Variants in PUS7 observed in about 807,000 individuals in gnomAD.
PUS7 encodes the protein pseudouridine synthase 7, also known as pseudouridylate synthase 7 homolog.
In PUS7, 48 loss-of-function variants were observed where a neutral mutation model predicts 79.8. The ratio of observed to expected loss-of-function variants is 0.60; its 90% CI spans 0.48 to 0.76. PUS7 has a LOEUF of 0.76. Among genes scored for constraint, PUS7 ranks in the 30% least tolerant of loss-of-function variants. The pLI is 0.00. For synonymous variants in PUS7, 286 were observed against 272.2 expected (o/e 1.05, Z -0.50); for missense variants, 729 against 797.6 (o/e 0.91, Z 1.04).
intron 7 of PUS7, among the ~76,000 whole-genome samples, chr7:105,485,427 C>A (rs1156664078): frequency 1.3e-5 from 2 of 152,036 alleles, no homozygotes; most frequent in East Asian, 2.0e-4. Context: ...CATGGCTGGT[C>A]TTGAACTCCT....
At chr7:105,466,846 A>C (rs767779460) in intron 12 of PUS7, among the ~76,000 whole-genome samples, 1 of 152,040 alleles carries the variant, frequency 6.6e-6, no homozygotes, top group Non-Finnish European at 1.5e-5. Flanking sequence ...CCAACATGGC[A>C]TGAGGAAAAG....
At chr7:105,481,588 C>G (rs1220063273) in intron 8 of PUS7, among the ~76,000 whole-genome samples, 1 of 152,098 alleles carries the variant, frequency 6.6e-6, no homozygotes, top group Non-Finnish European at 1.5e-5. Context: ...AAATTTTTTC[C>G]CGTTTCCAAA....
chr7:105,522,240 C>A lies in PUS7; in HGVS notation c.-221G>T, dbSNP rs1028637063. The A allele has an allele frequency of 2.0e-5, 3 of 151,702 alleles. No homozygotes were observed. The East Asian group carries it at 5.8e-4, about 29-fold the overall frequency. The allele number at this position is 151,702 out of a possible 1,614,324, so 9.4% of individuals were successfully genotyped here. On this transcript the variant is annotated 5_prime_UTR_variant, in exon 1 of 16. Coordinates refer to ENST00000469408, the MANE Select transcript of PUS7 (RefSeq NM_019042.5). ...ACTCACCGGCGGCCGGGCTCGCACA[C>A]GTGCGGCGCAGCGACGCGCCGCGGC...
intron 9 of PUS7, 142 bp from the exon 10 acceptor site, chr7:105,472,335 A>T (rs1470270901): frequency 1.8e-6 from 1 of 548,650 alleles, no homozygotes; most frequent in African/African-American, 1.9e-5. Context: ...GCTCTAGTCT[A>T]GTGATTCTCC....
chr7:105,521,137 G>A (rs760393613), intron 1 of PUS7, among the ~76,000 whole-genome samples: 9 of 128,988 alleles, frequency 7.0e-5, no homozygotes, highest in Admixed American at 1.6e-4. Context: ...TTTCAATAGT[G>A]TTGTACAGTC....
intron 11 of PUS7, chr7:105,470,208 T>A (rs912834715): frequency 6.6e-6 from 1 of 152,426 alleles, no homozygotes; most frequent in African/African-American, 2.4e-5. Context: ...TAACTTTAAC[T>A]TTGTTGCTCA....
At chr7:105,484,846 C>T (rs2133145723) in intron 7 of PUS7, among the ~76,000 whole-genome samples, 1 of 148,654 alleles carries the variant, frequency 6.7e-6, no homozygotes, top group African/African-American at 2.5e-5. Context: ...AGGATGTCAC[C>T]AGTCAGAGAT....
chr7:105,465,407 G>A lies in PUS7; in HGVS notation c.1533C>T (p.Ala511=), dbSNP rs1563353919. ...PGDLVLKGAT[A]TYIEEDDVNN... ...TAACATCATCTTCCTCAATATAGGT[G>A]GCTGTGGCTGTAAATTCACAAGTGA... Residue 511 remains alanine (A), a synonymous_variant, in exon 13 of 16, where the codon GCC becomes GCT. Transcript: ENST00000469408. 2.5e-6 allele frequency: 4 copies of A among 1,605,594 alleles called. No individual in the cohort carries two copies. The highest frequency in any genetic ancestry group is 8.5e-7 in the Non-Finnish European group (1 of 1,173,586).
intron 1 of PUS7, 95 bp downstream of exon 1, chr7:105,521,957 T>G (rs974840698): frequency 2.0e-5 from 3 of 152,268 alleles, no homozygotes; most frequent in Admixed American, 6.5e-5. Flanking sequence ...GCCTTCCCAG[T>G]CCGCACTGCC....
At chr7:105,514,631 A>G (rs189282725) in intron 1 of PUS7, among the ~76,000 whole-genome samples, 3 of 152,232 alleles carry the variant, frequency 2.0e-5, no homozygotes, top group Admixed American at 2.0e-4. Context: ...AGAAAAGAAA[A>G]GAAAACAGAA....
intron 5 of PUS7, among the ~76,000 whole-genome samples, chr7:105,498,127 A>C (rs1825109127): frequency 6.6e-6 from 1 of 152,238 alleles, no homozygotes; most frequent in Non-Finnish European, 1.5e-5. Flanking sequence ...AAATCCAAGC[A>C]CTGAGCATGC....
intron 14 of PUS7, among the ~76,000 whole-genome samples, chr7:105,461,498 T>A (rs1563350518): frequency 6.6e-6 from 1 of 152,312 alleles, no homozygotes; most frequent in East Asian, 1.9e-4. Flanking sequence ...CGGGCTTACT[T>A]ATGAGACACT....
intron 6 of PUS7, among the ~76,000 whole-genome samples, chr7:105,493,065 T>C (rs1157702850): frequency 6.6e-6 from 1 of 152,222 alleles, no homozygotes; most frequent in Non-Finnish European, 1.5e-5. Context: ...TCATCTACAA[T>C]TCATTACATT....
intron 2 of PUS7, among the ~76,000 whole-genome samples, chr7:105,507,845 GAATTT>G (rs1825534061): frequency 6.6e-6 from 1 of 152,108 alleles, no homozygotes; most frequent in African/African-American, 2.4e-5. Context: ...CCTGGTGAAT[GAATTT>G]ATTTGAGGCA....
intron 13 of PUS7, 65 bp from the exon 14 acceptor site, chr7:105,462,815 T>A (rs1394204282): frequency 6.8e-7 from 1 of 1,464,914 alleles, no homozygotes; most frequent in African/African-American, 1.4e-5. Context: ...TGAACTAGAT[T>A]ATAAAGAGAG....
At chr7:105,492,357 C>G (rs1220455998) in intron 6 of PUS7, among the ~76,000 whole-genome samples, 4 of 151,942 alleles carry the variant, frequency 2.6e-5, no homozygotes, top group Non-Finnish European at 5.9e-5. Context: ...CGGAGTCTCT[C>G]TCTGTCACCC....
At chr7:105,518,335 C>T (rs1285985671) in intron 1 of PUS7, among the ~76,000 whole-genome samples, 3 of 151,912 alleles carry the variant, frequency 2.0e-5, no homozygotes, top group African/African-American at 2.4e-5. Context: ...ATCCTTTACA[C>T]CTATAACAAA....
At chr7:105,464,193 A>G (rs1823545448) in intron 13 of PUS7, among the ~76,000 whole-genome samples, 1 of 152,208 alleles carries the variant, frequency 6.6e-6, no homozygotes, top group African/African-American at 2.4e-5. Context: ...AAGAGAGAAG[A>G]GGAAAATAAT....
intron 7 of PUS7, among the ~76,000 whole-genome samples, chr7:105,484,481 T>A (rs1468772170): frequency 5.5e-5 from 8 of 144,982 alleles, no homozygotes; most frequent in Non-Finnish European, 1.0e-4. Context: ...ATGGAGAAAC[T>A]TTAGTTAAAT....
Sources: gnomAD v4.1 joint callset for allele counts (sites outside exome capture counted in the v4.1 genomes callset) on GRCh38, gnomAD v4.1.1 for gene constraint, MANE v1.5 for transcripts, NCBI Gene and HGNC (gene_info 2026-07-23, HGNC 2026-07-21) for gene names.